The following CCT8 variants were observed in gnomAD, a reference collection of about 807,000 sequenced individuals.
The protein encoded by CCT8 is T-complex protein 1 subunit theta.
CCT8 carries 10 observed loss-of-function variants against 65.7 expected under a neutral mutation model. That is an observed-to-expected ratio of 0.15 (90% CI 0.09 to 0.26). The LOEUF (loss-of-function observed/expected upper bound fraction) is 0.26. Among genes scored for constraint, CCT8 ranks in the 10% least tolerant of loss-of-function variants. The pLI, the probability that CCT8 is intolerant of heterozygous loss-of-function variation, is 1.00. For synonymous variants in CCT8, 199 were observed against 221.8 expected (o/e 0.90, Z 0.92); for missense variants, 568 against 669.1 (o/e 0.85, Z 1.67).
At chr21:29,072,394 AACT>A (rs2085691811) in intron 1 of CCT8, among the ~76,000 whole-genome samples, 1 of 152,234 alleles carries the variant, frequency 6.6e-6, no homozygotes, top group Admixed American at 6.5e-5. Flanking sequence ...TTCTGTAAAA[AACT>A]ACTAGCACTG....
intron 4 of CCT8, among the ~76,000 whole-genome samples, 170 bp from the exon 5 acceptor site, chr21:29,067,241 A>T (rs916928319): frequency 6.6e-6 from 1 of 152,234 alleles, no homozygotes; most frequent in Non-Finnish European, 1.5e-5. Flanking sequence ...TGACAGCCCA[A>T]ATTTGAATCT....
intron 8 of CCT8, chr21:29,063,015 A>C (rs1432395735): frequency 1.1e-5 from 4 of 358,178 alleles, no homozygotes; most frequent in Admixed American, 8.7e-5. Context: ...TGTGCACCAT[A>C]AATGTGTTCA....
At position 29,060,595 on chromosome 21, in the gene CCT8, A is replaced by G. The variant is rs758497979; in HGVS notation, c.1515T>C (p.Tyr505=). 1.8e-5 allele frequency: 29 copies of G among 1,613,830 alleles called. No individual in the cohort carries two copies. The East Asian group carries it at 3.8e-4, about 21-fold the overall frequency. ...AGILDTYLGK[Y]WAIKLATNAA... ...CATTAGTAGCGAGTTTGATAGCCCA[A>G]TATTTTCCCAGGTAAGTATCTAGAA... The change falls in exon 14 of 15, where the codon TAT becomes TAC. Residue 505 remains tyrosine, a synonymous_variant. Coordinates refer to ENST00000286788, the MANE Select transcript of CCT8 (RefSeq NM_006585.4).
At chr21:29,060,985 T>C (rs2085556833) in intron 13 of CCT8, among the ~76,000 whole-genome samples, 1 of 152,234 alleles carries the variant, frequency 6.6e-6, no homozygotes, top group Non-Finnish European at 1.5e-5. Flanking sequence ...TAAATGTCTT[T>C]AGTTTTTCCA....
At chr21:29,071,966 T>A in intron 1 of CCT8, 1 of 702,474 alleles carries the variant, frequency 1.4e-6, no homozygotes, top group Non-Finnish European at 2.6e-6. Context: ...CTTCCTTTCT[T>A]TGGTAAGCTT....
chr21:29,072,528 CAA>C (rs1022608473), intron 1 of CCT8, among the ~76,000 whole-genome samples: 33 of 152,154 alleles, frequency 2.2e-4, no homozygotes, highest in African/African-American at 6.5e-4. Context: ...ATATCATTTT[CAA>C]AAGATTATTC....
intron 7 of CCT8, among the ~76,000 whole-genome samples, chr21:29,064,700 T>TC (rs1384502514): frequency 3.3e-5 from 5 of 152,214 alleles, no homozygotes; most frequent in African/African-American, 1.2e-4. Flanking sequence ...ATACTCACAT[T>TC]CTCATATTCT....
At chr21:29,067,258 T>G (rs2146436975) in intron 4 of CCT8, among the ~76,000 whole-genome samples, 187 bp from the exon 5 acceptor site, 1 of 152,326 alleles carries the variant, frequency 6.6e-6, no homozygotes, top group South Asian at 2.1e-4. Flanking sequence ...ATCTTAACTC[T>G]ACCTAACTCA....
intron 4 of CCT8, 127 bp downstream of exon 4, chr21:29,067,429 G>T: frequency 1.6e-6 from 1 of 639,672 alleles, no homozygotes; most frequent in Non-Finnish European, 2.4e-6. Context: ...GTACTATAAT[G>T]GCTGGTACAG....
intron 1 of CCT8, chr21:29,072,087 TAA>T (rs1196115518): frequency 4.9e-4 from 311 of 636,702 alleles, no homozygotes; most frequent in Non-Finnish European, 7.9e-4. Flanking sequence ...CATTTCCCCC[TAA>T]GTAAGAGGTC....
At chr21:29,063,552 C>T in intron 7 of CCT8, 22 bp from the exon 8 acceptor site, 1 of 1,608,370 alleles carries the variant, frequency 6.2e-7, no homozygotes, top group South Asian at 1.1e-5. Context: ...AGTAAACATT[C>T]CCTTTAAAAT....
intron 1 of CCT8, among the ~76,000 whole-genome samples, chr21:29,070,600 A>G (rs1256060205): frequency 6.6e-6 from 1 of 152,210 alleles, no homozygotes; most frequent in African/African-American, 2.4e-5. Flanking sequence ...ATCAAACAAG[A>G]TTTTTTAATG....
Position 29,069,733 on chromosome 21 carries a change from C to T in CCT8, c.152-231G>A, listed in dbSNP as rs1056435368. The stretch of plus-strand genomic sequence containing the variant: ...TTCTAATGTCCTACAATATTTACTA[C>T]GTAAGATGCCAAATCTCACATTTTT... On this transcript the variant is annotated intron_variant, in intron 2 of 14. Transcript: ENST00000286788. Among the ~76,000 whole-genome samples the T allele has an allele frequency of 8.5e-5, 13 of 152,268 alleles. 1 individual carries two copies. The highest frequency in any genetic ancestry group is 1.2e-4 in the African/African-American group (5 of 41,554).
chr21:29,067,434 G>C (rs1015428394), intron 4 of CCT8, 122 bp downstream of exon 4: 4 of 697,204 alleles, frequency 5.7e-6, no homozygotes, highest in Non-Finnish European at 8.6e-6. Context: ...ATAATGGCTG[G>C]TACAGAGCAA....
chr21:29,059,962 T>C (rs1389078548), intron 14 of CCT8: 1 of 152,206 alleles, frequency 6.6e-6, no homozygotes, highest in Non-Finnish European at 1.5e-5. Flanking sequence ...TCATTGCTTA[T>C]TAATTACTTC....
chr21:29,068,182 A>G (rs1354093568), intron 3 of CCT8, among the ~76,000 whole-genome samples: 2 of 152,348 alleles, frequency 1.3e-5, no homozygotes, highest in Non-Finnish European at 1.5e-5. Context: ...TTCTTCAAAT[A>G]TAACATAATT....
chr21:29,064,049 G>A (rs753034551), intron 7 of CCT8, among the ~76,000 whole-genome samples: 1 of 152,156 alleles, frequency 6.6e-6, no homozygotes, highest in East Asian at 1.9e-4. Context: ...GTGAGATACC[G>A]TGCCCGGCCG....
At chr21:29,060,401 G>C (rs1434832555) in intron 14 of CCT8, 140 bp downstream of exon 14, 1 of 743,112 alleles carries the variant, frequency 1.3e-6, no homozygotes, top group Non-Finnish European at 2.1e-6. Flanking sequence ...AAAATTGGAG[G>C]GGGGCACATA....
chr21:29,070,137 C>A (rs752670082), intron 2 of CCT8, 110 bp downstream of exon 2: 1 of 555,944 alleles, frequency 1.8e-6, no homozygotes, highest in Non-Finnish European at 3.0e-6. Flanking sequence ...ATTGAGCTAT[C>A]AAATTAACTT....
Sources: allele counts gnomAD v4.1 joint callset (sites outside exome capture counted in the v4.1 genomes callset), GRCh38; gene constraint gnomAD v4.1.1; transcripts MANE v1.5; gene names NCBI Gene and HGNC (gene_info 2026-07-23, HGNC 2026-07-21).